CPLX2: variants seen among roughly 807,000 people sequenced by gnomAD.
The protein encoded by CPLX2 is complexin-2.
CPLX2 carries 5 observed loss-of-function variants against 16.3 expected under a neutral mutation model. The ratio of observed to expected loss-of-function variants is 0.31; its 90% confidence interval spans 0.16 to 0.64. The LOEUF (loss-of-function observed/expected upper bound fraction) is 0.64, where lower values mean the gene tolerates loss of function less well. Among genes scored for constraint, CPLX2 ranks in the 30% least tolerant of loss-of-function variants. CPLX2 has a pLI of 0.79. For synonymous variants in CPLX2, 89 were observed against 73.2 expected, an observed-to-expected ratio of 1.22 and a Z score of -1.10; for missense variants, 144 against 181.4, an observed-to-expected ratio of 0.79 and a Z score of 1.18.
chr5:175,806,338 C>A (rs1175348360), intron 1 of CPLX2, among the ~76,000 whole-genome samples: 1 of 152,194 alleles, frequency 6.6e-6, no homozygotes, highest in Non-Finnish European at 1.5e-5. Flanking sequence ...TTGGCCTCTG[C>A]AAATCCTTAG....
intron 2 of CPLX2, among the ~76,000 whole-genome samples, chr5:175,860,458 A>T (rs907186806): frequency 7.4e-6 from 1 of 134,812 alleles, no homozygotes; most frequent in East Asian, 2.4e-4. Context: ...AAGAGAGAGA[A>T]AGAAAGAGAG....
chr5:175,877,525 G>A (rs532500173), intron 1 of CPLX2, among the ~76,000 whole-genome samples: 23 of 152,292 alleles, frequency 1.5e-4, no homozygotes, highest in African/African-American at 5.3e-4. Flanking sequence ...GCCTTGGGGA[G>A]CAGGCCTGGC....
At chr5:175,839,586 T>G (rs1319008289) in intron 2 of CPLX2, among the ~76,000 whole-genome samples, 1 of 152,266 alleles carries the variant, frequency 6.6e-6, no homozygotes, top group Non-Finnish European at 1.5e-5. Context: ...TCATCCGGCC[T>G]CAACCTTAAA....
At chr5:175,819,364 G>C (rs1758467398) in intron 2 of CPLX2, among the ~76,000 whole-genome samples, 1 of 152,186 alleles carries the variant, frequency 6.6e-6, no homozygotes, top group East Asian at 1.9e-4. Context: ...CCCTACTGTA[G>C]CTACTTGGTG....
rs970348827 is a variant in CPLX2 at position 175,861,988 on chromosome 5, C to T, written c.-88-16664C>T. ...AGGGCCTGTTTTGGGCCTGGCCCTT[C>T]TCTGGGCTCTGAGCCCAGAGACATG... On this transcript the variant is annotated intron_variant, in intron 2 of 4. Coordinates refer to the CPLX2 transcript ENST00000359546. Among the ~76,000 whole-genome samples, 5 of 152,182 alleles carry T rather than the reference C, an allele frequency of 3.3e-5. No individual in the cohort carries two copies. In the South Asian group the frequency reaches 6.2e-4, roughly 19 times the overall value.
chr5:175,879,009 G>A lies in CPLX2; in HGVS notation c.133G>A (p.Glu45Lys). The A allele has an allele frequency of 1.3e-6, 2 of 1,596,096 alleles. No homozygotes were observed. The highest frequency in any genetic ancestry group is 1.7e-6 in the Non-Finnish European group (2 of 1,171,754). ...GCGGCAGGAGGCGCTGCGGCAGCAG[G>A]AGGAGGAGCGTAAGGCCAAGCACGC... ...EERQEALRQQEEERKAKHARM... is the reference protein window; with the variant it reads ...EERQEALRQQKEERKAKHARM... Residue 45 changes from glutamate to lysine, a missense_variant, in exon 3 of 4, where the codon GAG becomes AAG. By Grantham distance (56) the Glu-to-Lys change is moderately conservative. Transcript: ENST00000393745.
At chr5:175,819,520 T>C (rs113042821) in intron 2 of CPLX2, among the ~76,000 whole-genome samples, 70 of 152,334 alleles carry the variant, frequency 4.6e-4, no homozygotes, top group African/African-American at 1.7e-3. Context: ...ATATGCTTCC[T>C]AGCCATTTGG....
At chr5:175,860,042 A>T (rs1326347962) in intron 2 of CPLX2, among the ~76,000 whole-genome samples, 1 of 152,234 alleles carries the variant, frequency 6.6e-6, no homozygotes, top group African/African-American at 2.4e-5. Context: ...CTGGGCCCTC[A>T]CACACTGTCA....
At chr5:175,827,340 T>C (rs1451926936) in intron 2 of CPLX2, among the ~76,000 whole-genome samples, 1 of 152,106 alleles carries the variant, frequency 6.6e-6, no homozygotes, top group Non-Finnish European at 1.5e-5. Flanking sequence ...ATAAGGGAAA[T>C]TGTTGCTTGA....
rs1755646483 is a variant in CPLX2, at chr5:175,882,570, A to G, written c.*2525A>G. On this transcript the variant is annotated 3_prime_UTR_variant, in exon 4 of 4. Coordinates refer to ENST00000393745, the MANE Select transcript of CPLX2 (RefSeq NM_001008220.2). ...GCTGCCCTGGTGTTCTCCACAGTGC[A>G]GTCCCTCTGTATTCCCAGAGTGGGA... is the stretch of plus-strand genomic sequence containing the variant. The G allele has an allele frequency of 6.5e-6, 1 of 152,704 alleles. No homozygotes were observed. The highest frequency in any genetic ancestry group is 2.4e-5 in the African/African-American group (1 of 41,460). The allele number at this position is 152,704 out of a possible 1,614,324, so 9.5% of individuals were successfully genotyped here.
At chr5:175,860,899 C>T (rs192612085) in intron 2 of CPLX2, among the ~76,000 whole-genome samples, 20 of 150,936 alleles carry the variant, frequency 1.3e-4, no homozygotes, top group Admixed American at 2.6e-4. Context: ...ATGACCACAG[C>T]AAATTACACC....
intron 2 of CPLX2, among the ~76,000 whole-genome samples, chr5:175,815,081 G>A (rs956660985): frequency 6.6e-6 from 1 of 152,156 alleles, no homozygotes; most frequent in African/African-American, 2.4e-5. Flanking sequence ...CAGGGAGTAC[G>A]AGGCACTGTG....
chr5:175,879,950 G>A lies in CPLX2; in HGVS notation c.310G>A (p.Gly104Ser), dbSNP rs1353969593. Residue 104 changes from glycine (G) to serine (S), a missense_variant, in exon 4 of 4, where the codon GGC becomes AGC. By Grantham distance (56) the Gly-to-Ser change is moderately conservative. Transcript: ENST00000393745. The stretch of plus-strand genomic sequence containing the variant: ...CCGGCCCAAGAAGGCCATCCCTGCG[G>A]GCTGCGGGGACGAGGAGGAGGAGGA... Reference protein sequence around the residue: ...LTRPKKAIPAGCGDEEEEEEE... With the variant: ...LTRPKKAIPASCGDEEEEEEE... 1 of 1,614,054 alleles carries A rather than the reference G, an allele frequency of 6.2e-7. No homozygotes were observed. The highest frequency in any genetic ancestry group is 8.5e-7 in the Non-Finnish European group (1 of 1,179,972).
intron 1 of CPLX2, chr5:175,796,795 C>A (rs1159264916): frequency 6.6e-6 from 1 of 152,248 alleles, no homozygotes; most frequent in Non-Finnish European, 1.5e-5. Flanking sequence ...GTTCGTAGAA[C>A]GCGCGCTCGC....
intron 2 of CPLX2, among the ~76,000 whole-genome samples, chr5:175,831,838 G>C (rs2113658179): frequency 6.6e-6 from 1 of 152,364 alleles, no homozygotes; most frequent in Middle Eastern, 3.4e-3. Flanking sequence ...ATCAAACAAA[G>C]CTAGTGAGGA....
At position 175,835,831 on chromosome 5, in the gene CPLX2, C is replaced by T. The variant is rs530097177; in HGVS notation, c.-89+26763C>T. On this transcript the variant is annotated intron_variant, in intron 2 of 4. Transcript: ENST00000359546. Reference sequence around the variant, plus strand: ...TTGGTTCACTGCAGCCTCCACATCCCGGGTTCAAGTGATTCTCCTGCCTCA... The same window carrying T: ...TTGGTTCACTGCAGCCTCCACATCCTGGGTTCAAGTGATTCTCCTGCCTCA... Among the ~76,000 whole-genome samples the T allele has an allele frequency of 1.0e-4, 15 of 146,114 alleles. 1 individual carries two copies. The Middle Eastern group carries it at 0.012, about 113-fold the overall frequency.
chr5:175,842,932 C>A (rs1426312797), intron 2 of CPLX2, among the ~76,000 whole-genome samples: 1 of 152,192 alleles, frequency 6.6e-6, no homozygotes, highest in Non-Finnish European at 1.5e-5. Context: ...AGTTTCCCCT[C>A]TAGGCCCTGG....
At chr5:175,868,433 G>C (rs969910211), upstream of CPLX2, among the ~76,000 whole-genome samples, 7 of 152,130 alleles carry the variant, frequency 4.6e-5, no homozygotes, top group African/African-American at 1.7e-4. Flanking sequence ...TTACAAATCT[G>C]TTCAAATCTG....
At chr5:175,879,393 CCA>C (rs934727162) in intron 3 of CPLX2, among the ~76,000 whole-genome samples, 9 of 152,220 alleles carry the variant, frequency 5.9e-5, no homozygotes, top group African/African-American at 2.2e-4. Context: ...TCGAAAAATA[CCA>C]CAGTGTCCTA....
Sources: allele counts gnomAD v4.1 joint callset (sites outside exome capture counted in the v4.1 genomes callset), GRCh38; gene constraint gnomAD v4.1.1; transcripts MANE v1.5; gene names NCBI Gene and HGNC (gene_info 2026-07-23, HGNC 2026-07-21).